Variants in ADGRB3 observed in about 807,000 individuals in gnomAD.
ADGRB3 encodes the protein brain-specific angiogenesis inhibitor 3.
Under a neutral mutation model 193.4 loss-of-function variants are expected in ADGRB3, and 37 were observed. That is an observed-to-expected ratio of 0.19 (90% CI 0.15 to 0.25). ADGRB3 has a LOEUF of 0.25. Among genes scored for constraint, ADGRB3 ranks in the 10% least tolerant of loss-of-function variants. The pLI is 1.00. For synonymous variants in ADGRB3, 690 were observed against 644.2 expected, an observed-to-expected ratio of 1.07 and a Z score of -1.08; for missense variants, 1,637 against 1,852.9, an observed-to-expected ratio of 0.88 and a Z score of 2.14.
At chr6:68,826,810 T>A (rs184834725) in intron 3 of ADGRB3, among the ~76,000 whole-genome samples, 7 of 152,164 alleles carry the variant, frequency 4.6e-5, no homozygotes, top group Admixed American at 4.6e-4. Flanking sequence ...GGGTGTGAAA[T>A]AGAAGAGTCA....
chr6:68,998,693 T>C (rs1349040042), intron 11 of ADGRB3, among the ~76,000 whole-genome samples: 1 of 152,138 alleles, frequency 6.6e-6, no homozygotes. Context: ...AAAACTGAAA[T>C]AGATCAGTAA....
chr6:69,361,626 A>T (rs1769454217), intron 29 of ADGRB3, 114 bp downstream of exon 29: 14 of 1,253,762 alleles, frequency 1.1e-5, no homozygotes, highest in Non-Finnish European at 1.5e-5. Flanking sequence ...GGAAGAGAAG[A>T]TTCACATTAG....
At chr6:69,327,313 T>A (rs1004834965) in intron 21 of ADGRB3, among the ~76,000 whole-genome samples, 3 of 152,192 alleles carry the variant, frequency 2.0e-5, no homozygotes, top group Non-Finnish European at 4.4e-5. Flanking sequence ...TGTTTCTACA[T>A]TCTTGTTATT....
At chr6:69,203,234 G>A (rs565096273) in intron 17 of ADGRB3, among the ~76,000 whole-genome samples, 4 of 152,216 alleles carry the variant, frequency 2.6e-5, no homozygotes, top group Non-Finnish European at 4.4e-5. Flanking sequence ...AAGTACAACG[G>A]CATTGCCTGG....
At chr6:68,728,183 A>T (rs1484554713) in intron 3 of ADGRB3, among the ~76,000 whole-genome samples, 1 of 151,524 alleles carries the variant, frequency 6.6e-6, no homozygotes, top group Non-Finnish European at 1.5e-5. Context: ...TTGACAGAGT[A>T]CACTAAAGGG....
chr6:69,200,613 C>T (rs756701666), intron 17 of ADGRB3, among the ~76,000 whole-genome samples: 11 of 152,016 alleles, frequency 7.2e-5, no homozygotes, highest in Non-Finnish European at 1.2e-4. Context: ...CTGTTCAAAC[C>T]GAGAATCTAA....
At chr6:68,733,075 G>T (rs1765802289) in intron 3 of ADGRB3, among the ~76,000 whole-genome samples, 1 of 151,514 alleles carries the variant, frequency 6.6e-6, no homozygotes, top group South Asian at 2.1e-4. Flanking sequence ...ATTTCTCAGA[G>T]AACTAAAAAT....
intron 4 of ADGRB3, among the ~76,000 whole-genome samples, chr6:68,932,326 C>A (rs1424052023): frequency 1.3e-5 from 2 of 152,042 alleles, no homozygotes; most frequent in African/African-American, 2.4e-5. Flanking sequence ...TGCAATTTAG[C>A]CAAAAGTTTT....
chr6:68,866,935 G>T (rs1014893644), intron 3 of ADGRB3, among the ~76,000 whole-genome samples: 1 of 152,198 alleles, frequency 6.6e-6, no homozygotes, highest in African/African-American at 2.4e-5. Flanking sequence ...CATTCACAAA[G>T]AGATGGTCTG....
chr6:69,048,097 A>G, intron 13 of ADGRB3, 88 bp from the exon 14 acceptor site: 3 of 1,331,886 alleles, frequency 2.3e-6, no homozygotes, highest in Non-Finnish European at 3.1e-6. Context: ...TTTTATTTTG[A>G]ATATACTGCA....
At chr6:69,150,830 T>C (rs1015751092) in intron 17 of ADGRB3, among the ~76,000 whole-genome samples, 3 of 152,142 alleles carry the variant, frequency 2.0e-5, no homozygotes, top group Non-Finnish European at 4.4e-5. Flanking sequence ...ATGAATCCTG[T>C]CAGGACTTAG....
At chr6:69,226,781 G>A (rs569106347) in intron 17 of ADGRB3, among the ~76,000 whole-genome samples, 12 of 152,346 alleles carry the variant, frequency 7.9e-5, no homozygotes, top group African/African-American at 2.4e-4. Flanking sequence ...GGTTAATTGC[G>A]TATAACCTCA....
chr6:68,708,577 G>A (rs1229037721), intron 3 of ADGRB3, among the ~76,000 whole-genome samples: 1 of 152,084 alleles, frequency 6.6e-6, no homozygotes, highest in South Asian at 2.1e-4. Flanking sequence ...AACATGTCAC[G>A]TGGTTAGATT....
chr6:68,770,180 T>A (rs1426450853), intron 3 of ADGRB3, among the ~76,000 whole-genome samples: 1 of 152,102 alleles, frequency 6.6e-6, no homozygotes, highest in African/African-American at 2.4e-5. Context: ...ATTGATTATT[T>A]GGCCAGTGAG....
chr6:68,901,927 T>C (rs577888531), intron 3 of ADGRB3, among the ~76,000 whole-genome samples: 29 of 152,172 alleles, frequency 1.9e-4, no homozygotes, highest in Non-Finnish European at 3.8e-4. Flanking sequence ...ATTTTTTAAA[T>C]GGGAGAAGTG....
chr6:68,830,986 A>C (rs1562047837), intron 3 of ADGRB3, among the ~76,000 whole-genome samples: 1 of 152,088 alleles, frequency 6.6e-6, no homozygotes, highest in Non-Finnish European at 1.5e-5. Context: ...CTGAAAACAA[A>C]TGGGTATAAC....
At chr6:68,918,299 C>T (rs1319855015) in intron 3 of ADGRB3, among the ~76,000 whole-genome samples, 1 of 152,078 alleles carries the variant, frequency 6.6e-6, no homozygotes, top group African/African-American at 2.4e-5. Context: ...GTCCCTAACC[C>T]CCTTGCCCAT....
rs563283550 is a variant in ADGRB3 at position 69,317,511 on chromosome 6, G to A, written c.2815-7361G>A. ...CAAAGTTTCAGCTATTCTGTACGTC[G>A]ATTTTTCAACCAACCATTCTTTTTC... On this transcript the variant is annotated intron_variant, in intron 20 of 31. Transcript: ENST00000370598. Among the ~76,000 whole-genome samples, 8 of 151,536 alleles carry A rather than the reference G, an allele frequency of 5.3e-5. 1 individual carries two copies. The South Asian group carries it at 1.5e-3, about 27-fold the overall frequency.
At chr6:68,809,279 G>A (rs1372355531) in intron 3 of ADGRB3, among the ~76,000 whole-genome samples, 1 of 152,152 alleles carries the variant, frequency 6.6e-6, no homozygotes, top group African/African-American at 2.4e-5. Context: ...ATAATGTGAT[G>A]AAGGTTCAAG....
Sources: allele counts gnomAD v4.1 joint callset (sites outside exome capture counted in the v4.1 genomes callset), GRCh38; gene constraint gnomAD v4.1.1; transcripts MANE v1.5; gene names NCBI Gene and HGNC (gene_info 2026-07-23, HGNC 2026-07-21).